The following HECW2 variants were observed in gnomAD, a reference collection of about 807,000 sequenced individuals.
The protein encoded by HECW2 is E3 ubiquitin-protein ligase HECW2.
In HECW2, 61 loss-of-function variants were observed where a neutral mutation model predicts 175.2. That is an observed-to-expected ratio of 0.35 (90% CI 0.28 to 0.43). The LOEUF (loss-of-function observed/expected upper bound fraction) is 0.43. Ranked by LOEUF, HECW2 falls within the 20% of genes least tolerant of loss-of-function variation. The pLI, the probability that HECW2 is intolerant of heterozygous loss-of-function variation, is 1.00. For missense variants in HECW2, 1,524 were observed against 2,000.5 expected (o/e 0.76, Z 4.54); for synonymous variants, 671 against 731.0 (o/e 0.92, Z 1.32).
chr2:196,333,914 G>T (rs1173986057), intron 4 of HECW2, among the ~76,000 whole-genome samples: 4 of 152,144 alleles, frequency 2.6e-5, no homozygotes, highest in Non-Finnish European at 4.4e-5. Flanking sequence ...CCCAAAATAT[G>T]AGCCATATCT....
chr2:196,450,636 C>T (rs1696318947), intron 1 of HECW2, among the ~76,000 whole-genome samples: 1 of 151,986 alleles, frequency 6.6e-6, no homozygotes, highest in South Asian at 2.1e-4. Context: ...CATGTGCCAC[C>T]ACGCCTGGGT....
chr2:196,302,974 G>A (rs1575386180), intron 13 of HECW2, among the ~76,000 whole-genome samples: 1 of 152,210 alleles, frequency 6.6e-6, no homozygotes, highest in East Asian at 1.9e-4. Flanking sequence ...GTGGCAGAGA[G>A]CATCCTTGCC....
chr2:196,460,397 A>G (rs77399476), intron 1 of HECW2, among the ~76,000 whole-genome samples: 1 of 152,322 alleles, frequency 6.6e-6, no homozygotes, highest in East Asian at 1.9e-4. Context: ...TTAGAAGGCC[A>G]TCTCATCTAC....
intron 14 of HECW2, chr2:196,287,890 G>C (rs1478401926): frequency 6.6e-6 from 1 of 151,744 alleles, no homozygotes; most frequent in Non-Finnish European, 1.5e-5. Flanking sequence ...CTCAAACACT[G>C]CTGTTACTAT....
intron 2 of HECW2, among the ~76,000 whole-genome samples, chr2:196,367,876 TTGTG>T (rs34963101): frequency 2.1e-5 from 3 of 145,002 alleles, no homozygotes; most frequent in South Asian, 4.3e-4. Context: ...GTGTGTGTGT[TTGTG>T]TGTGTGTGTG....
intron 21 of HECW2, among the ~76,000 whole-genome samples, chr2:196,237,624 G>C (rs992472727): frequency 1.3e-5 from 2 of 151,992 alleles, no homozygotes; most frequent in Non-Finnish European, 2.9e-5. Flanking sequence ...TCCATATTTT[G>C]CAAAAGATAT....
rs939452852 is a variant in HECW2, at chr2:196,194,573, A to C, written c.*6704T>G. ...TAAGAATACAGACTTCCCAGAAAAT[A>C]AACAACTAGTCCCAGTTCAGAGTCC... On this transcript the variant is annotated 3_prime_UTR_variant, in exon 29 of 29. Coordinates refer to ENST00000644978, the MANE Select transcript of HECW2 (RefSeq NM_001348768.2). The C allele has an allele frequency of 7.9e-5, 12 of 152,194 alleles. No homozygotes were observed. The highest frequency in any genetic ancestry group is 2.9e-4 in the African/African-American group (12 of 41,454). 9.4% of individuals were successfully genotyped at this position (152,194 alleles called of 1,614,324 possible).
At chr2:196,323,921 T>G (rs1434457454) in intron 6 of HECW2, among the ~76,000 whole-genome samples, 36 of 132,632 alleles carry the variant, frequency 2.7e-4, no homozygotes, top group Non-Finnish European at 3.9e-4. Context: ...TTTTGTTTGT[T>G]TTTTTTTTTT....
At position 196,197,480 on chromosome 2, in the gene HECW2, A is replaced by G. The variant is rs1470806090; in HGVS notation, c.*3797T>C. The G allele has an allele frequency of 6.6e-6, 1 of 152,102 alleles. No individual in the cohort carries two copies. Among genetic ancestry groups the G allele is most frequent in the African/African-American group, 2.4e-5 (1 of 41,400 alleles). 9.4% of individuals were successfully genotyped at this position (152,102 alleles called of 1,614,324 possible). A position where few individuals can be genotyped will look rare whatever the true frequency, so the allele number is the denominator to read the frequency against. ...CTGTATAAATCCATCAAAAGCAATC[A>G]CATTTTGCCTTCTGTTTTTTAAATT... On this transcript the variant is annotated 3_prime_UTR_variant, in exon 29 of 29. Transcript: ENST00000644978.
At chr2:196,201,527 C>A in intron 28 of HECW2, 139 bp from the exon 29 acceptor site, 2 of 494,032 alleles carry the variant, frequency 4.0e-6, no homozygotes, top group South Asian at 9.1e-5. Context: ...TTTTCACACT[C>A]CTTTTGAAAA....
At chr2:196,241,413 T>C (rs914269725) in intron 20 of HECW2, among the ~76,000 whole-genome samples, 1 of 152,208 alleles carries the variant, frequency 6.6e-6, no homozygotes, top group East Asian at 1.9e-4. Context: ...GTCTGGTCTC[T>C]GGACCGTCTC....
At chr2:196,333,825 T>C (rs1342940524) in intron 4 of HECW2, among the ~76,000 whole-genome samples, 1 of 152,208 alleles carries the variant, frequency 6.6e-6, no homozygotes, top group Non-Finnish European at 1.5e-5. Flanking sequence ...AGGTATCTGT[T>C]TCTTCAACTG....
At chr2:196,282,005 T>C (rs193275584) in intron 14 of HECW2, among the ~76,000 whole-genome samples, 1 of 152,348 alleles carries the variant, frequency 6.6e-6, no homozygotes, top group African/African-American at 2.4e-5. Context: ...GCATGCTGCC[T>C]GTGACACGTC....
In HECW2 at chr2:196,301,043, G is replaced by A. The variant is rs557975755; in HGVS notation, c.2814+5445C>T. Among the ~76,000 whole-genome samples, 47 of 151,166 alleles carry A rather than the reference G, an allele frequency of 3.1e-4. 1 individual carries two copies. The highest frequency in any genetic ancestry group is 3.4e-3 in the Middle Eastern group (1 of 294). On this transcript the variant is annotated intron_variant, in intron 13 of 28. Coordinates refer to ENST00000644978, the MANE Select transcript of HECW2 (RefSeq NM_001348768.2). ...CTCGCCCTCTCCCTACCCCACCCCC[G>A]ACAGGCACCAGTGTGTGTTGTTCCC...
intron 10 of HECW2, among the ~76,000 whole-genome samples, chr2:196,315,082 A>C (rs10184884): frequency 0.99 from 150,424 of 152,026 alleles, 74,438 homozygotes; most frequent in Middle Eastern, 1. Context: ...TCACAATCCA[A>C]AACCTATCCA....
intron 1 of HECW2, among the ~76,000 whole-genome samples, chr2:196,589,832 T>C (rs928294363): frequency 2.6e-5 from 4 of 152,210 alleles, no homozygotes; most frequent in Non-Finnish European, 4.4e-5. Flanking sequence ...GCTCTAGATA[T>C]ATGGACAGGT....
At chr2:196,416,823 T>A (rs1695268946) in intron 2 of HECW2, among the ~76,000 whole-genome samples, 1 of 152,252 alleles carries the variant, frequency 6.6e-6, no homozygotes, top group Non-Finnish European at 1.5e-5. Flanking sequence ...ACAAGCTAAC[T>A]TCTTCTCTGG....
chr2:196,277,772 T>G (rs949590790), intron 15 of HECW2, among the ~76,000 whole-genome samples: 28 of 152,014 alleles, frequency 1.8e-4, no homozygotes, highest in African/African-American at 6.8e-4. Flanking sequence ...GTGGCACATA[T>G]ATACACCATG....
chr2:196,318,039 T>C (rs1691768639), intron 9 of HECW2, among the ~76,000 whole-genome samples: 4 of 152,214 alleles, frequency 2.6e-5, no homozygotes, highest in Non-Finnish European at 1.5e-5. Context: ...CACTGTGAAA[T>C]TTTAGAAAGG....
Sources: gnomAD v4.1 joint callset for allele counts (sites outside exome capture counted in the v4.1 genomes callset) on GRCh38, gnomAD v4.1.1 for gene constraint, MANE v1.5 for transcripts, NCBI Gene and HGNC (gene_info 2026-07-23, HGNC 2026-07-21) for gene names.